The following FGF10 variants were observed in gnomAD, a reference collection of about 807,000 sequenced individuals.
The protein encoded by FGF10 is fibroblast growth factor 10.
FGF10 carries 2 observed loss-of-function variants against 19.8 expected under a neutral mutation model. The ratio of observed to expected loss-of-function variants is 0.10; its 90% CI spans 0.04 to 0.32. The LOEUF (loss-of-function observed/expected upper bound fraction) is 0.32, where lower values mean the gene tolerates loss of function less well. Ranked by LOEUF, FGF10 falls within the 10% of genes least tolerant of loss-of-function variation. The pLI is 1.00. For missense variants in FGF10, 191 were observed against 246.3 expected (o/e 0.78, Z 1.50); for synonymous variants, 112 against 94.0 (o/e 1.19, Z -1.10).
intron 1 of FGF10, among the ~76,000 whole-genome samples, chr5:44,360,432 A>G (rs1292935682): frequency 2.0e-5 from 3 of 151,512 alleles, no homozygotes; most frequent in Admixed American, 6.6e-5. Flanking sequence ...CATTCATTCA[A>G]CCATAAGCAT....
chr5:44,378,180 C>T (rs1021127063), intron 1 of FGF10, among the ~76,000 whole-genome samples: 1 of 152,074 alleles, frequency 6.6e-6, no homozygotes. Context: ...CTTTTTTCCC[C>T]TTGGGGATGC....
Position 44,388,972 on chromosome 5 carries a change from T to G in FGF10, c.-290A>C. The G allele has an allele frequency of 3.7e-6, 2 of 542,712 alleles. No individual in the cohort carries two copies. Among genetic ancestry groups the G allele is most frequent in the Non-Finnish European group, 6.7e-6 (2 of 300,352 alleles). 33.6% of individuals were successfully genotyped at this position (542,712 alleles called of 1,614,324 possible). A position where few individuals can be genotyped will look rare whatever the true frequency, so the allele number is the denominator to read the frequency against. On this transcript the variant is annotated 5_prime_UTR_variant, in exon 1 of 3. Coordinates refer to ENST00000264664, the MANE Select transcript of FGF10 (RefSeq NM_004465.2). Reference sequence around the variant, plus strand: ...GAGCTGGTGGTGGCGTTGGTGGTGTTGGTCACCAGCGCTCTTCGCTCCCCC... The same window carrying G: ...GAGCTGGTGGTGGCGTTGGTGGTGTGGGTCACCAGCGCTCTTCGCTCCCCC...
intron 1 of FGF10, among the ~76,000 whole-genome samples, chr5:44,314,396 T>C (rs1740286304): frequency 6.6e-6 from 1 of 152,136 alleles, no homozygotes; most frequent in Non-Finnish European, 1.5e-5. Context: ...CTTCAGTAAA[T>C]AGTAGCAATC....
At chr5:44,353,082 A>C (rs1474926651) in intron 1 of FGF10, among the ~76,000 whole-genome samples, 1 of 151,572 alleles carries the variant, frequency 6.6e-6, no homozygotes, top group Non-Finnish European at 1.5e-5. Context: ...CAGAGACGCA[A>C]CTGATTTCAT....
chr5:44,305,893 A>G (rs1740065116), intron 2 of FGF10, among the ~76,000 whole-genome samples: 1 of 152,208 alleles, frequency 6.6e-6, no homozygotes, highest in Non-Finnish European at 1.5e-5. Context: ...AATTATGAGC[A>G]TGGTGAATAG....
intron 1 of FGF10, among the ~76,000 whole-genome samples, chr5:44,348,967 G>T (rs1741152881): frequency 6.6e-6 from 1 of 151,442 alleles, no homozygotes; most frequent in South Asian, 2.1e-4. Context: ...TGCACTAGTT[G>T]CATGGTGAAC....
At chr5:44,340,522 ATAAATGTT>A (rs1740946257) in intron 1 of FGF10, among the ~76,000 whole-genome samples, 1 of 152,140 alleles carries the variant, frequency 6.6e-6, no homozygotes, top group Non-Finnish European at 1.5e-5. Context: ...TAGGACACAG[ATAAATGTT>A]TCTTTGTTGT....
intron 1 of FGF10, among the ~76,000 whole-genome samples, chr5:44,358,404 T>C (rs1741399153): frequency 6.6e-6 from 1 of 151,528 alleles, no homozygotes. Context: ...TTTGAACCTC[T>C]TGACTCTTCA....
chr5:44,305,917 G>A (rs183883878), intron 2 of FGF10, among the ~76,000 whole-genome samples: 1 of 152,258 alleles, frequency 6.6e-6, no homozygotes. Flanking sequence ...TGCCTACATT[G>A]TATCTTAAGG....
At chr5:44,313,056 C>T (rs1352900348) in intron 1 of FGF10, among the ~76,000 whole-genome samples, 3 of 152,002 alleles carry the variant, frequency 2.0e-5, no homozygotes, top group Non-Finnish European at 4.4e-5. Flanking sequence ...TTCCACTTTG[C>T]AACTAGTTTA....
rs1345892202 is a variant in FGF10 at position 44,300,593 on chromosome 5, C to T, written c.*4402G>A. ...TTAAAACCTCTCTAACTTGGACAAA[C>T]AAACAGGTGAAGAATAATTGGAATT... On this transcript the variant is annotated 3_prime_UTR_variant, in exon 3 of 3. Coordinates refer to ENST00000264664, the MANE Select transcript of FGF10 (RefSeq NM_004465.2). Among the ~76,000 whole-genome samples the T allele has an allele frequency of 6.6e-6, 1 of 152,108 alleles. No homozygotes were observed. Among genetic ancestry groups the T allele is most frequent in the Non-Finnish European group, 1.5e-5 (1 of 67,998 alleles).
Position 44,304,116 on chromosome 5 carries a change from C to T in FGF10, c.*879G>A, listed in dbSNP as rs1009500900. On this transcript the variant is annotated 3_prime_UTR_variant, in exon 3 of 3. Transcript: ENST00000264664. ...GACATCTCTCACTCAAGCCATGGCA[C>T]AGCATTGCCATATTTATTGTTGATG... 1 of 152,112 alleles carries T rather than the reference C, an allele frequency of 6.6e-6. No individual in the cohort carries two copies. The highest frequency in any genetic ancestry group is 6.6e-5 in the Admixed American group (1 of 15,264). 9.4% of individuals were successfully genotyped at this position (152,112 alleles called of 1,614,324 possible). A position where few individuals can be genotyped will look rare whatever the true frequency, so the allele number is the denominator to read the frequency against.
intron 1 of FGF10, among the ~76,000 whole-genome samples, chr5:44,349,422 T>TTATATATATA (rs869035955): frequency 2.4e-5 from 1 of 41,422 alleles, no homozygotes; most frequent in East Asian, 8.5e-4. Flanking sequence ...AGCATTTTCT[T>TTATATATATA]TATATATATA....
intron 1 of FGF10, among the ~76,000 whole-genome samples, chr5:44,347,483 T>C (rs1205452482): frequency 6.6e-5 from 10 of 151,792 alleles, no homozygotes; most frequent in Admixed American, 6.6e-4. Flanking sequence ...CTTAGGGCAG[T>C]ATGAATAGAA....
chr5:44,316,555 G>C (rs2111710488), intron 1 of FGF10, among the ~76,000 whole-genome samples: 1 of 152,220 alleles, frequency 6.6e-6, no homozygotes, highest in Non-Finnish European at 1.5e-5. Context: ...GCTTTTCCAA[G>C]GACCACACAC....
intron 1 of FGF10, among the ~76,000 whole-genome samples, chr5:44,312,589 G>A (rs1740238751): frequency 1.3e-5 from 2 of 151,990 alleles, no homozygotes; most frequent in Admixed American, 1.3e-4. Context: ...AGAGGATAAC[G>A]TCTGAATCTT....
chr5:44,356,677 T>C lies in FGF10; in HGVS notation c.325+31681A>G, dbSNP rs376513226. Among the ~76,000 whole-genome samples the C allele has an allele frequency of 1.8e-4, 28 of 151,596 alleles. 1 individual carries two copies. The highest frequency in any genetic ancestry group is 1.3e-3 in the Admixed American group (20 of 15,166). On this transcript the variant is annotated intron_variant, in intron 1 of 2. Transcript: ENST00000264664. Reference sequence around the variant, plus strand: ...AATATAAGAATATTGTACAGCATTATCAACTTTGTTTCTCAGTCAGACTCT... The same window carrying C: ...AATATAAGAATATTGTACAGCATTACCAACTTTGTTTCTCAGTCAGACTCT...
At chr5:44,305,778 T>C (rs1386015670) in intron 2 of FGF10, among the ~76,000 whole-genome samples, 4 of 152,194 alleles carry the variant, frequency 2.6e-5, no homozygotes, top group African/African-American at 9.6e-5. Context: ...TGAAATTATT[T>C]GCAATATTCT....
chr5:44,377,403 T>C (rs1741890500), intron 1 of FGF10, among the ~76,000 whole-genome samples: 1 of 152,220 alleles, frequency 6.6e-6, no homozygotes, highest in Non-Finnish European at 1.5e-5. Context: ...ACTACCAAGT[T>C]TAATAAGAAC....
Sources: allele counts gnomAD v4.1 joint callset (sites outside exome capture counted in the v4.1 genomes callset), GRCh38; gene constraint gnomAD v4.1.1; transcripts MANE v1.5; gene names NCBI Gene and HGNC (gene_info 2026-07-23, HGNC 2026-07-21).